UACA: variants seen among roughly 807,000 people sequenced by gnomAD.
The protein encoded by UACA is uveal autoantigen with coiled-coil domains and ankyrin repeats, also known as nuclear membrane binding protein.
Under a neutral mutation model 160.5 loss-of-function variants are expected in UACA, and 112 were observed. The ratio of observed to expected loss-of-function variants is 0.70; its 90% CI spans 0.60 to 0.82. UACA has a LOEUF of 0.82. UACA is among the 40% of genes least tolerant of loss of function. UACA has a pLI of 0.00. For missense variants in UACA, 1,574 were observed against 1,614.6 expected (o/e 0.97, Z 0.43); for synonymous variants, 557 against 568.4 (o/e 0.98, Z 0.29).
intron 2 of UACA, 31 bp from the exon 3 acceptor site, chr15:70,695,136 AG>A (rs1257300441): frequency 5.9e-6 from 9 of 1,527,356 alleles, no homozygotes; most frequent in African/African-American, 1.4e-5. Context: ...TGTTGTGCTA[AG>A]GAAACAACCA....
At chr15:70,672,965 G>A (rs1444639168) in intron 13 of UACA, among the ~76,000 whole-genome samples, 7 of 152,042 alleles carry the variant, frequency 4.6e-5, no homozygotes, top group East Asian at 1.9e-4. Flanking sequence ...GTGTGGTGGC[G>A]GGCACCTGTA....
At chr15:70,698,197 C>CT (rs1898201841) in intron 2 of UACA, among the ~76,000 whole-genome samples, 2 of 152,078 alleles carry the variant, frequency 1.3e-5, no homozygotes, top group Admixed American at 1.3e-4. Context: ...AAAATTGAAC[C>CT]TTATATCAAG....
At chr15:70,697,238 T>C (rs1398400288) in intron 2 of UACA, among the ~76,000 whole-genome samples, 3 of 152,206 alleles carry the variant, frequency 2.0e-5, no homozygotes, top group African/African-American at 7.2e-5. Context: ...TAGGCCAAGA[T>C]GCAAGGTAGG....
intron 1 of UACA, among the ~76,000 whole-genome samples, chr15:70,700,318 T>TATACACACAC (rs565377949): frequency 4.8e-4 from 67 of 139,812 alleles, no homozygotes; most frequent in African/African-American, 1.7e-3. Context: ...TATATATATA[T>TATACACACAC]ACACACACAC....
At chr15:70,712,833 C>T (rs1342201231) in intron 1 of UACA, among the ~76,000 whole-genome samples, 2 of 152,152 alleles carry the variant, frequency 1.3e-5, no homozygotes, top group East Asian at 3.9e-4. Flanking sequence ...AAAAAATCTT[C>T]AATGTAAAAG....
In UACA at chr15:70,664,649, C is replaced by T. The variant is rs1767175205; in HGVS notation, c.4113+13G>A. On this transcript the variant is annotated intron_variant, in intron 17 of 18. Transcript: ENST00000322954. Reference sequence around the variant, plus strand: ...ACATATTCCTGCAAAGCCCCGTGTGCCTGGTTACTCACGGCCAGCTGTTGC... The same window carrying T: ...ACATATTCCTGCAAAGCCCCGTGTGTCTGGTTACTCACGGCCAGCTGTTGC... The T allele has an allele frequency of 3.1e-6, 5 of 1,602,564 alleles. No individual in the cohort carries two copies. Among genetic ancestry groups the T allele is most frequent in the Non-Finnish European group, 4.3e-6 (5 of 1,174,618 alleles).
At position 70,667,446 on chromosome 15, in the gene UACA, T is replaced by C. The variant is rs760587117; in HGVS notation, c.3238A>G (p.Thr1080Ala). ...KQLKDLSQKY[T>A]EVKNVKEKLV... ...TTCTCTTTCACATTCTTTACTTCCGTGTATTTCTGTGACAAGTCTTTTAAC... is the reference window on the plus strand; with the variant it reads ...TTCTCTTTCACATTCTTTACTTCCGCGTATTTCTGTGACAAGTCTTTTAAC... The change falls in exon 16 of 19, where the codon ACG becomes GCG. Residue 1080 changes from threonine (T) to alanine (A), a missense_variant. Physicochemically the swap from Thr to Ala is moderately conservative, Grantham distance 58 (BLOSUM62 0). Transcript: ENST00000322954. The C allele has an allele frequency of 6.2e-7, 1 of 1,609,868 alleles. No individual in the cohort carries two copies. The highest frequency in any genetic ancestry group is 8.5e-7 in the Non-Finnish European group (1 of 1,179,568).
intron 1 of UACA, among the ~76,000 whole-genome samples, chr15:70,738,823 C>T (rs1899445238): frequency 6.6e-6 from 1 of 152,204 alleles, no homozygotes; most frequent in South Asian, 2.1e-4. Flanking sequence ...TGCAGGTCAA[C>T]TGAGCAGTTC....
At chr15:70,660,281 G>T in intron 17 of UACA, 65 bp from the exon 18 acceptor site, 1 of 1,353,456 alleles carries the variant, frequency 7.4e-7, no homozygotes, top group Non-Finnish European at 1.1e-6. Flanking sequence ...TTTGGACAAT[G>T]CTCAGGCTTC....
chr15:70,717,131 G>T (rs558648160), intron 1 of UACA, among the ~76,000 whole-genome samples: 2 of 152,248 alleles, frequency 1.3e-5, no homozygotes, highest in African/African-American at 4.8e-5. Flanking sequence ...TGAGGCAGGC[G>T]AATTGCTTGA....
At chr15:70,778,029 C>A in the UACA span, among the ~76,000 whole-genome samples, 1 of 151,938 alleles carries the variant, frequency 6.6e-6, no homozygotes, top group Non-Finnish European at 1.5e-5. Context: ...GGCAAAATTC[C>A]ATCTCCACAA....
the UACA span, among the ~76,000 whole-genome samples, chr15:70,773,178 T>C: frequency 6.6e-6 from 1 of 151,714 alleles, no homozygotes; most frequent in African/African-American, 2.4e-5. Flanking sequence ...AGAGGATGGT[T>C]TTTCAAAGAT....
At chr15:70,739,899 A>G (rs961824554) in intron 1 of UACA, among the ~76,000 whole-genome samples, 4 of 152,158 alleles carry the variant, frequency 2.6e-5, no homozygotes, top group African/African-American at 9.7e-5. Flanking sequence ...TTCATGCATG[A>G]CCCTGGCAAT....
At chr15:70,763,227 GGCAGAGGAAAA>G (rs1335997370) in intron 1 of UACA, 92 bp downstream of exon 1, 2 of 1,216,360 alleles carry the variant, frequency 1.6e-6, no homozygotes, top group African/African-American at 1.6e-5. Flanking sequence ...AAGCCGAACT[GGCAGAGGAAAA>G]GCAGAGGAAG....
chr15:70,710,493 T>C (rs1360670299), intron 1 of UACA, among the ~76,000 whole-genome samples: 3 of 152,130 alleles, frequency 2.0e-5, no homozygotes, highest in Middle Eastern at 3.2e-3. Flanking sequence ...TGACACTAGC[T>C]ACCTGGAGAT....
chr15:70,686,484 CTTT>C (rs59586401), intron 7 of UACA, among the ~76,000 whole-genome samples: 1,396 of 104,884 alleles, frequency 0.013, 13 homozygotes, highest in African/African-American at 0.041. Flanking sequence ...AGCCAGGGTT[CTTT>C]TTTTTTTTTT....
chr15:70,703,581 C>T (rs1898439186), intron 1 of UACA, among the ~76,000 whole-genome samples: 2 of 152,194 alleles, frequency 1.3e-5, no homozygotes, highest in Admixed American at 6.5e-5. Flanking sequence ...TTTGTTAGAA[C>T]TCAGACCTTG....
chr15:70,678,291 C>A, intron 10 of UACA, 85 bp from the exon 11 acceptor site: 1 of 797,138 alleles, frequency 1.3e-6, no homozygotes, highest in South Asian at 1.7e-5. Context: ...CAGTTCACTA[C>A]CATACAGGTA....
chr15:70,776,530 C>T, the UACA span, among the ~76,000 whole-genome samples: 8 of 150,998 alleles, frequency 5.3e-5, no homozygotes, highest in Non-Finnish European at 8.8e-5. Flanking sequence ...CAGGTTCAAG[C>T]GATTCTCCTG....
Sources: gnomAD v4.1 joint callset for allele counts (sites outside exome capture counted in the v4.1 genomes callset) on GRCh38, gnomAD v4.1.1 for gene constraint, MANE v1.5 for transcripts, NCBI Gene and HGNC (gene_info 2026-07-23, HGNC 2026-07-21) for gene names.